Variants in BDP1 observed in about 807,000 individuals in gnomAD.
BDP1 encodes the protein transcription factor TFIIIB component B'' homolog.
A neutral mutation model predicts 266.6 loss-of-function variants in BDP1; 169 were observed. The observed-to-expected ratio is 0.63, with a 90% confidence interval of 0.56 to 0.72. The LOEUF (loss-of-function observed/expected upper bound fraction) is 0.72. BDP1 is among the 30% of genes least tolerant of loss of function. The pLI, the probability that BDP1 is intolerant of heterozygous loss-of-function variation, is 0.00. For synonymous variants in BDP1, 1,090 were observed against 1,022.4 expected, an observed-to-expected ratio of 1.07 and a Z score of -1.26; for missense variants, 3,015 against 3,053.8, an observed-to-expected ratio of 0.99 and a Z score of 0.30.
rs1221224404 is a variant in BDP1, at chr5:71,456,116, T to C, written c.212+27T>C. 3.1e-6 allele frequency: 5 copies of C among 1,593,212 alleles called. No homozygotes were observed. In the Admixed American group the frequency reaches 8.7e-5, roughly 28 times the overall value. ...TAAGAGGTTGCAGAGGGAAGAATTT[T>C]CATTTGTCCCGCCTCTCCGGGCATG... On this transcript the variant is annotated intron_variant, in intron 1 of 38. Coordinates refer to ENST00000358731, the MANE Select transcript of BDP1 (RefSeq NM_018429.3).
intron 9 of BDP1, among the ~76,000 whole-genome samples, chr5:71,488,639 G>T (rs1445099231): frequency 6.6e-6 from 1 of 151,726 alleles, no homozygotes; most frequent in Non-Finnish European, 1.5e-5. Context: ...ATGTTGGCCA[G>T]CCTGGTCTTG....
At chr5:71,459,430 T>G (rs1451111797) in intron 2 of BDP1, among the ~76,000 whole-genome samples, 1 of 152,216 alleles carries the variant, frequency 6.6e-6, no homozygotes, top group Non-Finnish European at 1.5e-5. Flanking sequence ...GAGAATTGCT[T>G]GAACCTGGGA....
At chr5:71,513,076 A>T in intron 18 of BDP1, 109 bp from the exon 19 acceptor site, 1 of 702,848 alleles carries the variant, frequency 1.4e-6, no homozygotes, top group South Asian at 2.2e-5. Context: ...AAAAAAAAAA[A>T]AAAAAAAAAA....
rs146926599 is a variant in BDP1 at position 71,562,081 on chromosome 5, A to G, written c.7497-193A>G. 6.8e-3 allele frequency among the ~76,000 whole-genome samples: 1,032 copies of G among 151,372 alleles called. 9 individuals are homozygous for G. Among genetic ancestry groups the G allele is most frequent in the African/African-American group, 0.024 (991 of 41,234 alleles). On this transcript the variant is annotated intron_variant, in intron 37 of 38. Transcript: ENST00000358731. ...AACATGGTGAAACCCCGTCTCTACT[A>G]CAGCTACTTGGGAGGCTGAAGCAGG... is the stretch of plus-strand genomic sequence containing the variant.
At chr5:71,541,432 T>C (rs746645724) in intron 28 of BDP1, 22 bp from the exon 29 acceptor site, 22 of 1,018,306 alleles carry the variant, frequency 2.2e-5, no homozygotes, top group Non-Finnish European at 2.6e-5. Context: ...ATTTTAATTT[T>C]GTTTTTTTTT....
chr5:71,479,657 C>T (rs1404228126), intron 7 of BDP1, among the ~76,000 whole-genome samples: 3 of 151,880 alleles, frequency 2.0e-5, no homozygotes, highest in Non-Finnish European at 4.4e-5. Context: ...CGCCATTCTC[C>T]TGCCTCAGCC....
At chr5:71,538,441 C>T (rs1174787087) in intron 26 of BDP1, among the ~76,000 whole-genome samples, 3 of 152,298 alleles carry the variant, frequency 2.0e-5, no homozygotes, top group Non-Finnish European at 2.9e-5. Flanking sequence ...TTCACATAGA[C>T]TCTCACCTTT....
At chr5:71,538,603 A>G (rs1381712387) in intron 26 of BDP1, among the ~76,000 whole-genome samples, 1 of 152,214 alleles carries the variant, frequency 6.6e-6, no homozygotes. Flanking sequence ...CGCTCTGGAC[A>G]TTGGTTCTGT....
At chr5:71,570,620 A>G (rs994404061), downstream of BDP1, among the ~76,000 whole-genome samples, 2 of 152,230 alleles carry the variant, frequency 1.3e-5, no homozygotes, top group African/African-American at 2.4e-5. Flanking sequence ...CACTATGTCA[A>G]TCCTTTGCTA....
intron 1 of BDP1, among the ~76,000 whole-genome samples, chr5:71,456,403 A>G (rs781420749): frequency 9.2e-5 from 14 of 152,210 alleles, no homozygotes; most frequent in Non-Finnish European, 1.6e-4. Flanking sequence ...TTAGGTCACT[A>G]TAGTTTTCAT....
At chr5:71,483,997 C>A in intron 8 of BDP1, 101 bp downstream of exon 8, 1 of 973,022 alleles carries the variant, frequency 1.0e-6, no homozygotes, top group African/African-American at 1.7e-5. Flanking sequence ...TGTTTTGTTC[C>A]TGTATTGGCA....
chr5:71,485,840 G>A (rs1763230162), intron 8 of BDP1, among the ~76,000 whole-genome samples: 1 of 152,162 alleles, frequency 6.6e-6, no homozygotes, highest in Non-Finnish European at 1.5e-5. Context: ...GCATTTCAAG[G>A]ACTTCTCAGT....
chr5:71,473,906 T>C (rs1441812792), intron 7 of BDP1, among the ~76,000 whole-genome samples: 1 of 149,900 alleles, frequency 6.7e-6, no homozygotes, highest in African/African-American at 2.5e-5. Context: ...TTCAATTCCC[T>C]TTTCTAGCTT....
the BDP1 span, among the ~76,000 whole-genome samples, chr5:71,576,758 A>T: frequency 6.6e-6 from 1 of 152,188 alleles, no homozygotes; most frequent in African/African-American, 2.4e-5. Flanking sequence ...TAACACTGGG[A>T]TCCAATCCCA....
chr5:71,552,389 C>CAG (rs1742879711), intron 34 of BDP1, among the ~76,000 whole-genome samples: 2 of 152,144 alleles, frequency 1.3e-5, no homozygotes, highest in Admixed American at 6.5e-5. Flanking sequence ...GGCAGCCAGG[C>CAG]AGAGGGGCTC....
At chr5:71,564,072 CCT>C (rs1203986655) in intron 38 of BDP1, among the ~76,000 whole-genome samples, 2 of 152,012 alleles carry the variant, frequency 1.3e-5, no homozygotes, top group Admixed American at 6.6e-5. Context: ...CTTTTTTCCC[CCT>C]GAGATGGTTA....
chr5:71,467,484 A>C lies in BDP1; in HGVS notation c.916A>C (p.Lys306Gln), dbSNP rs765401937. The C allele has an allele frequency of 6.3e-7, 1 of 1,588,106 alleles. No individual in the cohort carries two copies. The highest frequency in any genetic ancestry group is 8.6e-7 in the Non-Finnish European group (1 of 1,166,200). Residue 306 changes from lysine to glutamine, a missense_variant, in exon 6 of 39, where the codon AAA becomes CAA. Physicochemically the swap from Lys to Gln is moderately conservative, Grantham distance 53 (BLOSUM62 1). Coordinates refer to ENST00000358731, the MANE Select transcript of BDP1 (RefSeq NM_018429.3). ...KNYYSKPWSN[K>Q]ETDMFFLAIS... is the part of the protein sequence containing the mutation. ...CTATTACTCTAAACCATGGTCAAAT[A>C]AAGGTAACTAATTTTCATTTAAAAA...
chr5:71,464,411 C>T lies in BDP1; in HGVS notation c.659+294C>T, dbSNP rs191757370. Among the ~76,000 whole-genome samples, 525 of 152,154 alleles carry T rather than the reference C, an allele frequency of 3.5e-3. 3 individuals are homozygous for T. The highest frequency in any genetic ancestry group is 0.012 in the African/African-American group (495 of 41,516). Reference sequence around the variant, plus strand: ...TCAGGAGGCTGAGGTGGGAGGATCGCTCGAGCCCACATGTTCAAGGCTGTA... The same window carrying T: ...TCAGGAGGCTGAGGTGGGAGGATCGTTCGAGCCCACATGTTCAAGGCTGTA... On this transcript the variant is annotated intron_variant, in intron 4 of 38. Coordinates refer to ENST00000358731, the MANE Select transcript of BDP1 (RefSeq NM_018429.3).
At chr5:71,546,149 C>G (rs558811310) in intron 32 of BDP1, among the ~76,000 whole-genome samples, 1 of 152,166 alleles carries the variant, frequency 6.6e-6, no homozygotes, top group African/African-American at 2.4e-5. Context: ...TTTAAAGTTA[C>G]GAGATTCCTT....
Sources: gnomAD v4.1 joint callset for allele counts (sites outside exome capture counted in the v4.1 genomes callset) on GRCh38, gnomAD v4.1.1 for gene constraint, MANE v1.5 for transcripts, NCBI Gene and HGNC (gene_info 2026-07-23, HGNC 2026-07-21) for gene names.